SEC24D: variants seen among roughly 807,000 people sequenced by gnomAD.
SEC24D encodes the protein SEC24 homolog D, COPII component.
SEC24D carries 69 observed loss-of-function variants against 116.9 expected under a neutral mutation model. That is an observed-to-expected ratio of 0.59 (90% CI 0.49 to 0.72). The LOEUF (loss-of-function observed/expected upper bound fraction) is 0.72. Among genes scored for constraint, SEC24D ranks in the 30% least tolerant of loss-of-function variants. SEC24D has a pLI of 0.00. For synonymous variants in SEC24D, 405 were observed against 442.8 expected (o/e 0.91, Z 1.07); for missense variants, 1,131 against 1,264.1 (o/e 0.89, Z 1.60).
chr4:118,769,470 G>A (rs890785289), intron 8 of SEC24D, among the ~76,000 whole-genome samples: 6 of 152,078 alleles, frequency 3.9e-5, no homozygotes, highest in African/African-American at 1.4e-4. Flanking sequence ...TTTCTTTACT[G>A]AAAAAGATAC....
intron 3 of SEC24D, among the ~76,000 whole-genome samples, chr4:118,818,720 G>C (rs1466176908): frequency 6.6e-6 from 1 of 151,398 alleles, no homozygotes; most frequent in African/African-American, 2.4e-5. Context: ...GGACTCTTCT[G>C]TAATGATACA....
At chr4:118,814,673 A>T (rs1361348209) in intron 6 of SEC24D, among the ~76,000 whole-genome samples, 1 of 152,146 alleles carries the variant, frequency 6.6e-6, no homozygotes, top group Non-Finnish European at 1.5e-5. Context: ...TCCTTTAGTT[A>T]TCTAAAATAG....
At chr4:118,785,663 C>A (rs1289984058) in intron 8 of SEC24D, among the ~76,000 whole-genome samples, 1 of 152,046 alleles carries the variant, frequency 6.6e-6, no homozygotes, top group South Asian at 2.1e-4. Flanking sequence ...TAATAAGAAA[C>A]AGAGAAAATA....
At chr4:118,764,608 T>C (rs879621626) in intron 10 of SEC24D, 194 bp downstream of exon 10, 7 of 476,174 alleles carry the variant, frequency 1.5e-5, no homozygotes, top group Non-Finnish European at 2.6e-5. Flanking sequence ...AAATAATTCC[T>C]CCAGTAGATG....
At chr4:118,801,610 GTTTAT>G (rs1391135824) in intron 7 of SEC24D, among the ~76,000 whole-genome samples, 8 of 152,092 alleles carry the variant, frequency 5.3e-5, no homozygotes, top group African/African-American at 1.7e-4. Flanking sequence ...GTATTTGAAA[GTTTAT>G]TTTAATTTTC....
At chr4:118,775,267 G>A (rs1728078786) in intron 8 of SEC24D, among the ~76,000 whole-genome samples, 2 of 140,872 alleles carry the variant, frequency 1.4e-5, no homozygotes, top group African/African-American at 2.7e-5. Flanking sequence ...AATGGTTTCT[G>A]AATGAAAAAA....
rs1731041729 is a variant in SEC24D at position 118,835,223 on chromosome 4, G to C, written c.-42+718C>G. On this transcript the variant is annotated intron_variant, in intron 1 of 22. Coordinates refer to ENST00000280551, the MANE Select transcript of SEC24D (RefSeq NM_014822.4). ...AGTGACAGAAAAGAGAGGCTGAGAT[G>C]GTCACTCCAAAGAACAGGAAGCAGC... is the stretch of plus-strand genomic sequence containing the variant. Among the ~76,000 whole-genome samples, 3 of 152,170 alleles carry C rather than the reference G, an allele frequency of 2.0e-5. No homozygotes were observed. In the South Asian group the frequency reaches 6.2e-4, roughly 32 times the overall value.
At chr4:118,742,373 T>TG (rs3842005) in intron 15 of SEC24D, among the ~76,000 whole-genome samples, 6,720 of 149,052 alleles carry the variant, frequency 0.045, 207 homozygotes, top group Non-Finnish European at 0.068. Flanking sequence ...TTTGGAAAAG[T>TG]GGGGGGGGGA....
intron 10 of SEC24D, among the ~76,000 whole-genome samples, chr4:118,759,051 G>A (rs1204484126): frequency 1.3e-5 from 2 of 152,180 alleles, no homozygotes; most frequent in South Asian, 2.1e-4. Context: ...ACCCAAGTGT[G>A]CTGTACCATT....
intron 6 of SEC24D, among the ~76,000 whole-genome samples, chr4:118,809,925 G>A (rs1030841410): frequency 2.0e-5 from 3 of 152,182 alleles, no homozygotes; most frequent in Non-Finnish European, 2.9e-5. Flanking sequence ...GCTGTGCCCT[G>A]CATACATCTA....
intron 7 of SEC24D, among the ~76,000 whole-genome samples, chr4:118,803,135 G>A (rs1729520238): frequency 6.6e-6 from 1 of 152,158 alleles, no homozygotes; most frequent in South Asian, 2.1e-4. Context: ...CAGAGTTTCA[G>A]TGTGGGATGA....
chr4:118,729,528 T>C (rs1365324130), intron 21 of SEC24D: 1 of 152,210 alleles, frequency 6.6e-6, no homozygotes, highest in African/African-American at 2.4e-5. Context: ...ATCCAAGTAC[T>C]ACTGTTCCGG....
chr4:118,739,355 A>T (rs931812943), intron 17 of SEC24D, 68 bp from the exon 18 acceptor site: 3 of 1,472,174 alleles, frequency 2.0e-6, no homozygotes, highest in Admixed American at 3.9e-5. Flanking sequence ...ACTTGATCTT[A>T]CTTGCATTTA....
At chr4:118,760,811 G>T (rs1022926651) in intron 10 of SEC24D, among the ~76,000 whole-genome samples, 9 of 151,924 alleles carry the variant, frequency 5.9e-5, no homozygotes, top group African/African-American at 2.2e-4. Flanking sequence ...GGGTTCAAGC[G>T]ATTCTCCTGC....
In SEC24D at chr4:118,805,974, G is replaced by A; in HGVS notation, c.802-20C>T. ...CTGGATCTGATAAATAAGACATCAA[G>A]AGCCCGTTAAAGTAGGTTCCAGTTC... On this transcript the variant is annotated intron_variant, in intron 6 of 22. Coordinates refer to ENST00000280551, the MANE Select transcript of SEC24D (RefSeq NM_014822.4). 1 of 1,523,308 alleles carries A rather than the reference G, an allele frequency of 6.6e-7. No homozygotes were observed. The highest frequency in any genetic ancestry group is 9.0e-7 in the Non-Finnish European group (1 of 1,106,564). 94.4% of individuals were successfully genotyped at this position (1,523,308 alleles called of 1,614,324 possible). A position where few individuals can be genotyped will look rare whatever the true frequency, so the allele number is the denominator to read the frequency against.
intron 7 of SEC24D, among the ~76,000 whole-genome samples, chr4:118,804,913 C>T (rs956281437): frequency 6.8e-6 from 1 of 146,380 alleles, no homozygotes; most frequent in Non-Finnish European, 1.5e-5. Flanking sequence ...CACACACACA[C>T]ACACACACAC....
Position 118,817,200 on chromosome 4 carries a change from CCT to C in SEC24D, c.397+62_397+63del. 4 of 1,346,374 alleles carry C rather than the reference CCT, an allele frequency of 3.0e-6. No individual in the cohort carries two copies. In the South Asian group the frequency reaches 4.7e-5, roughly 16 times the overall value. 83.4% of individuals were successfully genotyped at this position (1,346,374 alleles called of 1,614,324 possible). The stretch of plus-strand genomic sequence containing the variant: ...ACATCTATTTTAAAAATGAAGAAAA[CCT>C]CTCTCATTAAAAATGACCAGGACAC... On this transcript the variant is annotated intron_variant, in intron 4 of 22. Coordinates refer to ENST00000280551, the MANE Select transcript of SEC24D (RefSeq NM_014822.4).
Position 118,815,599 on chromosome 4 carries a change from G to A in SEC24D, c.525C>T (p.Pro175=). Residue 175 remains proline, a synonymous_variant, in exon 5 of 23, where the codon CCC becomes CCT. Coordinates refer to ENST00000280551, the MANE Select transcript of SEC24D (RefSeq NM_014822.4). The part of the protein sequence containing the change: ...QPGSQVLPPP[P]TTLNGPGASP... ...AGGCACCAGGACCATTGAGTGTGGT[G>A]GGTGGTGGTGGAAGAACTTGAGATC... 2 of 1,614,190 alleles carry A rather than the reference G, an allele frequency of 1.2e-6. No homozygotes were observed. Among genetic ancestry groups the A allele is most frequent in the Non-Finnish European group, 1.7e-6 (2 of 1,180,046 alleles).
In SEC24D at chr4:118,745,019, G is replaced by C; in HGVS notation, c.1749C>G (p.Ser583=). ...TCCCTGGTGCTTCAGCAGTTGGCAA[G>C]GAAGAATGGAAGATGAACAGCTTCC... is the stretch of plus-strand genomic sequence containing the variant. ...CPGKLFIFHS[S]LPTAEAPGKL... Residue 583 remains serine (S), a synonymous_variant, in exon 14 of 23, where the codon TCC becomes TCG. Coordinates refer to ENST00000280551, the MANE Select transcript of SEC24D (RefSeq NM_014822.4). 6.2e-7 allele frequency: 1 copy of C among 1,610,852 alleles called. No individual in the cohort carries two copies. The highest frequency in any genetic ancestry group is 8.5e-7 in the Non-Finnish European group (1 of 1,178,910).
Sources: allele counts gnomAD v4.1 joint callset (sites outside exome capture counted in the v4.1 genomes callset), GRCh38; gene constraint gnomAD v4.1.1; transcripts MANE v1.5; gene names NCBI Gene and HGNC (gene_info 2026-07-23, HGNC 2026-07-21).